The following DRD2 variants were observed in gnomAD, a reference collection of about 807,000 sequenced individuals.
DRD2 encodes D(2) dopamine receptor.
DRD2 carries 8 observed loss-of-function variants against 38.0 expected under a neutral mutation model. The observed-to-expected ratio is 0.21, with a 90% CI of 0.12 to 0.38. DRD2 has a LOEUF of 0.38. Among genes scored for constraint, DRD2 ranks in the 10% least tolerant of loss-of-function variants. The pLI is 1.00. For missense variants in DRD2, 403 were observed against 607.7 expected, an observed-to-expected ratio of 0.66 and a Z score of 3.54; for synonymous variants, 230 against 238.6, an observed-to-expected ratio of 0.96 and a Z score of 0.33.
At chr11:113,470,576 T>G (rs1165054111) in intron 1 of DRD2, among the ~76,000 whole-genome samples, 1 of 152,184 alleles carries the variant, frequency 6.6e-6, no homozygotes, top group East Asian at 1.9e-4. Context: ...AAGAATTCCC[T>G]CATCTCCTAC....
intron 7 of DRD2, 130 bp from the exon 8 acceptor site, chr11:113,411,050 G>T (rs962923693): frequency 4.9e-6 from 5 of 1,017,756 alleles, no homozygotes; most frequent in African/African-American, 3.2e-5. Flanking sequence ...TGTAGGAGGA[G>T]TCCAGGTCTT....
intron 1 of DRD2, among the ~76,000 whole-genome samples, chr11:113,473,618 G>T (rs1463662294): frequency 6.6e-6 from 1 of 152,132 alleles, no homozygotes; most frequent in African/African-American, 2.4e-5. Flanking sequence ...TTCCTTGTCA[G>T]ATGTCTGCAT....
At chr11:113,455,224 G>C (rs756767796) in intron 1 of DRD2, among the ~76,000 whole-genome samples, 1 of 152,016 alleles carries the variant, frequency 6.6e-6, no homozygotes, top group Non-Finnish European at 1.5e-5. Flanking sequence ...TTAGCCAGGC[G>C]TGGTGGCAGA....
At chr11:113,455,715 GC>G (rs1309065950) in intron 1 of DRD2, among the ~76,000 whole-genome samples, 1 of 152,166 alleles carries the variant, frequency 6.6e-6, no homozygotes, top group Non-Finnish European at 1.5e-5. Flanking sequence ...TCAGGGAGAT[GC>G]AAAATAAAAC....
At chr11:113,421,819 C>T (rs1950887190) in intron 2 of DRD2, among the ~76,000 whole-genome samples, 1 of 152,120 alleles carries the variant, frequency 6.6e-6, no homozygotes, top group African/African-American at 2.4e-5. Flanking sequence ...CAACAAATCG[C>T]TGAGATAATG....
At chr11:113,428,677 T>A (rs1248132940) in intron 1 of DRD2, among the ~76,000 whole-genome samples, 1 of 152,106 alleles carries the variant, frequency 6.6e-6, no homozygotes, top group East Asian at 1.9e-4. Context: ...CAGGCTGGAG[T>A]GCAGTGGCAC....
chr11:113,411,003 C>G, intron 7 of DRD2, 83 bp from the exon 8 acceptor site: 1 of 1,462,662 alleles, frequency 6.8e-7, no homozygotes, highest in African/African-American at 1.4e-5. Flanking sequence ...CGCCCTGGCT[C>G]GTATGCCAAG....
chr11:113,475,089 G>C lies in DRD2; in HGVS notation c.-45C>G, dbSNP rs979659522. ...GCCGGTGCTTACCTTCAAGCCATAGGGCGCCCGGGGGCAGAGACGGCGCCG... is the reference window on the plus strand; with the variant it reads ...GCCGGTGCTTACCTTCAAGCCATAGCGCGCCCGGGGGCAGAGACGGCGCCG... On this transcript the variant is annotated 5_prime_UTR_variant, in exon 1 of 8. Coordinates refer to ENST00000362072, the MANE Select transcript of DRD2 (RefSeq NM_000795.4). 1.5e-4 allele frequency: 23 copies of C among 152,176 alleles called. No individual in the cohort carries two copies. Among genetic ancestry groups the C allele is most frequent in the African/African-American group, 5.5e-4 (23 of 41,578 alleles). 9.4% of individuals were successfully genotyped at this position (152,176 alleles called of 1,614,324 possible). A position where few individuals can be genotyped will look rare whatever the true frequency, so the allele number is the denominator to read the frequency against.
chr11:113,422,530 CAG>C (rs1398340606), intron 2 of DRD2, among the ~76,000 whole-genome samples: 4 of 152,168 alleles, frequency 2.6e-5, no homozygotes, highest in Non-Finnish European at 1.5e-5. Flanking sequence ...AAGGCATGGA[CAG>C]AGTCTAGGGG....
chr11:113,467,228 T>C (rs1951379107), intron 1 of DRD2, among the ~76,000 whole-genome samples: 1 of 152,206 alleles, frequency 6.6e-6, no homozygotes, highest in Non-Finnish European at 1.5e-5. Flanking sequence ...CTACAGTGCC[T>C]TCTGAAATAT....
At chr11:113,416,836 C>T (rs1325162454) in intron 4 of DRD2, 27 bp downstream of exon 4, 1 of 1,611,446 alleles carries the variant, frequency 6.2e-7, no homozygotes, top group Non-Finnish European at 8.5e-7. Context: ...GCCAGCTGAG[C>T]CTCAGGCAAA....
chr11:113,467,561 A>AAAGTC (rs1392684330), intron 1 of DRD2, among the ~76,000 whole-genome samples: 1 of 152,176 alleles, frequency 6.6e-6, no homozygotes, highest in African/African-American at 2.4e-5. Context: ...GAAAAGAAAA[A>AAAGTC]AAGTCACCTT....
At chr11:113,436,873 G>C (rs1404647692) in intron 1 of DRD2, among the ~76,000 whole-genome samples, 3 of 152,084 alleles carry the variant, frequency 2.0e-5, no homozygotes, top group Non-Finnish European at 2.9e-5. Flanking sequence ...ATGAACACTG[G>C]CTTCCTTTTC....
chr11:113,473,566 C>T (rs1480453027), intron 1 of DRD2, among the ~76,000 whole-genome samples: 1 of 152,192 alleles, frequency 6.6e-6, no homozygotes, highest in South Asian at 2.1e-4. Context: ...CTGGGACTAC[C>T]CTGGCCCTCA....
Position 113,410,586 on chromosome 11 carries a change from C to T in DRD2, c.*141G>A. The T allele has an allele frequency of 9.4e-7, 1 of 1,059,172 alleles. No individual in the cohort carries two copies. Among genetic ancestry groups the T allele is most frequent in the East Asian group, 2.4e-5 (1 of 41,846 alleles). 65.6% of individuals were successfully genotyped at this position (1,059,172 alleles called of 1,614,324 possible). On this transcript the variant is annotated 3_prime_UTR_variant, in exon 8 of 8. Transcript: ENST00000362072. ...TGTGCGGGCAGTGAGGAGCATGGAG[C>T]CAAGCGAACACTGCAGGGCCTGCCG...
At chr11:113,427,876 G>A (rs1273041916) in intron 1 of DRD2, among the ~76,000 whole-genome samples, 2 of 152,108 alleles carry the variant, frequency 1.3e-5, no homozygotes, top group African/African-American at 4.8e-5. Flanking sequence ...GTTAAAATGA[G>A]ACGCTTAGGG....
chr11:113,470,546 C>A (rs1951414688), intron 1 of DRD2, among the ~76,000 whole-genome samples: 1 of 152,212 alleles, frequency 6.6e-6, no homozygotes, highest in Non-Finnish European at 1.5e-5. Context: ...TCCTTCCCCT[C>A]CCTGTCCCTT....
At position 113,412,629 on chromosome 11, in the gene DRD2, G is replaced by A; in HGVS notation, c.1065C>T (p.Leu355=). ...AGAGCTTCCTACGGCTCATGGTCTTGAGGGAGGTCCGGGTTTTGCCATTGG... is the reference window on the plus strand; with the variant it reads ...AGAGCTTCCTACGGCTCATGGTCTTAAGGGAGGTCCGGGTTTTGCCATTGG... ...TMPNGKTRTS[L]KTMSRRKLSQ... is the part of the protein sequence containing the mutation. The change falls in exon 7 of 8, where the codon CTC becomes CTT. Residue 355 remains leucine, a synonymous_variant. Transcript: ENST00000362072. 5 of 1,614,222 alleles carry A rather than the reference G, an allele frequency of 3.1e-6. No individual in the cohort carries two copies. Among genetic ancestry groups the A allele is most frequent in the Non-Finnish European group, 4.2e-6 (5 of 1,180,044 alleles).
At position 113,413,078 on chromosome 11, in the gene DRD2, C is replaced by CT. The variant is rs147077384; in HGVS notation, c.811-196dup. Among the ~76,000 whole-genome samples the CT allele has an allele frequency of 0.028, 4,308 of 152,264 alleles. 214 individuals carry two copies. Among genetic ancestry groups the CT allele is most frequent in the African/African-American group, 0.099 (4,127 of 41,536 alleles). ...CAGCCCCTGCAGGATTGCCCCTGTC[C>CT]TTTTTCCCATGGCAATCCTCATGCA... On this transcript the variant is annotated intron_variant, in intron 6 of 7. Transcript: ENST00000362072.
Sources: allele counts gnomAD v4.1 joint callset (sites outside exome capture counted in the v4.1 genomes callset), GRCh38; gene constraint gnomAD v4.1.1; transcripts MANE v1.5; gene names NCBI Gene and HGNC (gene_info 2026-07-23, HGNC 2026-07-21).